The following SPATA13 variants were observed in gnomAD, a reference collection of about 807,000 sequenced individuals.
The protein encoded by SPATA13 is spermatogenesis associated 13, also known as spermatogenesis-associated protein 13.
In SPATA13, 50 loss-of-function variants were observed where a neutral mutation model predicts 104.0. The ratio of observed to expected loss-of-function variants is 0.48; its 90% CI spans 0.38 to 0.61. The LOEUF is 0.61. Among genes scored for constraint, SPATA13 ranks in the 20% least tolerant of loss-of-function variants. The pLI is 0.00. For synonymous variants in SPATA13, 606 were observed against 667.5 expected (o/e 0.91, Z 1.42); for missense variants, 1,524 against 1,690.6 (o/e 0.90, Z 1.73).
chr13:24,018,432 A>G (rs1005035555), intron 3 of SPATA13, among the ~76,000 whole-genome samples: 1 of 152,248 alleles, frequency 6.6e-6, no homozygotes, highest in African/African-American at 2.4e-5. Context: ...AAGGTCTTTT[A>G]GGTAATAAAT....
At chr13:24,025,518 G>A (rs1448308472) in intron 3 of SPATA13, among the ~76,000 whole-genome samples, 4 of 152,146 alleles carry the variant, frequency 2.6e-5, no homozygotes, top group African/African-American at 9.7e-5. Context: ...GTAATTATAT[G>A]TTCAGCTTTA....
chr13:24,208,090 T>C lies in SPATA13; in HGVS notation c.-111-14729T>C, dbSNP rs149264565. On this transcript the variant is annotated intron_variant, in intron 1 of 12. Transcript: ENST00000382108. ...GGCAGGGAAGGGACGAGCCTTGTTC[T>C]TGTCAAAATGGGCTCAACAAATCTG... Among the ~76,000 whole-genome samples, 179 of 152,330 alleles carry C rather than the reference T, an allele frequency of 1.2e-3. 1 individual carries two copies. Among genetic ancestry groups the C allele is most frequent in the African/African-American group, 4.1e-3 (171 of 41,576 alleles).
chr13:24,186,920 A>T (rs1489246450), intron 1 of SPATA13, among the ~76,000 whole-genome samples: 1 of 152,242 alleles, frequency 6.6e-6, no homozygotes. Context: ...GTAAAGTCAC[A>T]CTTAACATGC....
rs1343778233 is a variant in SPATA13, at chr13:24,140,360, CAGAG to C, written c.-111-82456_-111-82453del. ...GTTCATAGTTTGTTGCCCCAGCAGA[CAGAG>C]AGGATATTTTCAAAATATAAAAGGT... On this transcript the variant is annotated intron_variant, in intron 3 of 14. Coordinates refer to the SPATA13 transcript ENST00000424834. 5.3e-5 allele frequency among the ~76,000 whole-genome samples: 8 copies of C among 152,124 alleles called. No homozygotes were observed. In the South Asian group the frequency reaches 1.4e-3, roughly 28 times the overall value.
At chr13:24,238,994 G>A (rs1872706528) in intron 2 of SPATA13, among the ~76,000 whole-genome samples, 1 of 152,202 alleles carries the variant, frequency 6.6e-6, no homozygotes, top group Non-Finnish European at 1.5e-5. Context: ...GTGGTGCACA[G>A]CACATCAGAG....
At chr13:24,069,581 C>G (rs968022066) in intron 3 of SPATA13, among the ~76,000 whole-genome samples, 1 of 152,116 alleles carries the variant, frequency 6.6e-6, no homozygotes, top group Non-Finnish European at 1.5e-5. Flanking sequence ...ATTTGCCATC[C>G]TCTCTCCCTA....
Position 24,223,803 on chromosome 13 carries a change from A to G in SPATA13, c.874A>G (p.Ser292Gly). 2.6e-6 allele frequency: 4 copies of G among 1,551,832 alleles called. No homozygotes were observed. Among genetic ancestry groups the G allele is most frequent in the Non-Finnish European group, 3.5e-6 (4 of 1,147,014 alleles). Residue 292 changes from serine (S) to glycine (G), a missense_variant, in exon 2 of 13, where the codon AGT becomes GGT. By Grantham distance (56) the Ser-to-Gly change is moderately conservative. Around this residue, in one of 2 missense-constraint regions of SPATA13, gnomAD observed 1,089 missense variants for 1,135.9 expected, o/e 0.96. Transcript: ENST00000382108. ...DARVPQRTLS[S>G]SSTDSQKLGS... ...ACGGGTACCACAGAGGACCCTGAGC[A>G]GTTCCTCCACTGACTCCCAAAAGCT...
intron 4 of SPATA13, among the ~76,000 whole-genome samples, chr13:24,264,379 C>T (rs1415619989): frequency 2.0e-5 from 3 of 152,142 alleles, no homozygotes; most frequent in African/African-American, 4.8e-5. Flanking sequence ...GTACGTATTC[C>T]TGGCCTGATC....
At chr13:24,290,976 G>T in intron 9 of SPATA13, 92 bp downstream of exon 9, 1 of 1,023,948 alleles carries the variant, frequency 9.8e-7, no homozygotes, top group South Asian at 1.6e-5. Flanking sequence ...GTGGGCTTCA[G>T]TGTCAGCCTT....
At chr13:24,229,429 CA>C in intron 2 of SPATA13, among the ~76,000 whole-genome samples, 1 of 152,142 alleles carries the variant, frequency 6.6e-6, no homozygotes, top group South Asian at 2.1e-4. Context: ...TGGGTCTTCT[CA>C]AGGGTAGGAT....
At chr13:24,102,888 A>C (rs9578681) in intron 3 of SPATA13, among the ~76,000 whole-genome samples, 144,897 of 152,258 alleles carry the variant, frequency 0.95, 69,081 homozygotes, top group Middle Eastern at 0.97. Context: ...CATCGTGGAG[A>C]CTTTTCCCTA....
intron 2 of SPATA13, among the ~76,000 whole-genome samples, chr13:24,225,637 C>T (rs902122137): frequency 3.9e-5 from 6 of 152,228 alleles, no homozygotes; most frequent in African/African-American, 1.4e-4. Flanking sequence ...GCTGGTCTAG[C>T]CCCACCACTG....
At chr13:24,045,771 G>C (rs1483038642) in intron 3 of SPATA13, among the ~76,000 whole-genome samples, 1 of 148,494 alleles carries the variant, frequency 6.7e-6, no homozygotes, top group Non-Finnish European at 1.5e-5. Flanking sequence ...TGAGCCACAG[G>C]GTTGCTGGGA....
At chr13:24,152,075 T>C (rs575743863) in intron 3 of SPATA13, among the ~76,000 whole-genome samples, 1 of 152,338 alleles carries the variant, frequency 6.6e-6, no homozygotes, top group South Asian at 2.1e-4. Flanking sequence ...ACAGTCTTAG[T>C]CTGTTCAGGC....
upstream of SPATA13, among the ~76,000 whole-genome samples, chr13:24,159,156 A>G (rs1882360054): frequency 6.6e-6 from 1 of 152,144 alleles, no homozygotes; most frequent in Non-Finnish European, 1.5e-5. Context: ...ATACTAACAT[A>G]GATTTCATTT....
intron 3 of SPATA13, among the ~76,000 whole-genome samples, chr13:24,149,780 G>T (rs1040623868): frequency 6.6e-6 from 1 of 152,252 alleles, no homozygotes; most frequent in South Asian, 2.1e-4. Flanking sequence ...AGAGCTGCGG[G>T]TCAGGTTGTC....
chr13:24,153,320 C>T (rs1057082952), intron 3 of SPATA13, among the ~76,000 whole-genome samples: 1 of 152,216 alleles, frequency 6.6e-6, no homozygotes, highest in Non-Finnish European at 1.5e-5. Flanking sequence ...CTGTGTGGCC[C>T]ACGTGGCTGG....
chr13:24,009,679 G>A (rs1277331585), intron 2 of SPATA13, among the ~76,000 whole-genome samples: 1 of 152,242 alleles, frequency 6.6e-6, no homozygotes, highest in Non-Finnish European at 1.5e-5. Context: ...GGGTTAGGAT[G>A]ATAAGGGGTG....
chr13:24,296,340 G>A (rs1180569483), intron 10 of SPATA13, among the ~76,000 whole-genome samples: 2 of 152,178 alleles, frequency 1.3e-5, no homozygotes, highest in Non-Finnish European at 2.9e-5. Flanking sequence ...GTGTGTGACT[G>A]GGATTAAGGG....
Sources: gnomAD v4.1 joint callset for allele counts (sites outside exome capture counted in the v4.1 genomes callset) on GRCh38, gnomAD v4.1.1 for gene constraint, gnomAD v4.1.1 regional missense constraint, MANE v1.5 for transcripts, NCBI Gene and HGNC (gene_info 2026-07-23, HGNC 2026-07-21) for gene names.